LUC7L2: variants seen among roughly 807,000 people sequenced by gnomAD.
LUC7L2 encodes the protein LUC7 like 2, pre-mRNA splicing factor.
A neutral mutation model predicts 52.8 loss-of-function variants in LUC7L2; 25 were observed. That is an observed-to-expected ratio of 0.47 (90% CI 0.34 to 0.66). The LOEUF is 0.66. LUC7L2 is among the 30% of genes least tolerant of loss of function. The probability of loss-of-function intolerance (pLI) is 0.01; values close to 1 mark genes in which losing one functional copy is unlikely to be tolerated. For synonymous variants in LUC7L2, 144 were observed against 160.9 expected (o/e 0.89, Z 0.80); for missense variants, 328 against 497.8 (o/e 0.66, Z 3.25).
chr7:139,360,775 G>A (rs886909813), intron 1 of LUC7L2, among the ~76,000 whole-genome samples: 1 of 152,064 alleles, frequency 6.6e-6, no homozygotes, highest in Non-Finnish European at 1.5e-5. Flanking sequence ...TCCTCTTCCT[G>A]GGTCAGGAGG....
At chr7:139,357,867 AT>A (rs1799653340), upstream of LUC7L2, among the ~76,000 whole-genome samples, 1 of 148,530 alleles carries the variant, frequency 6.7e-6, no homozygotes, top group African/African-American at 2.5e-5. Context: ...CATTTTTTCT[AT>A]TTTTAGTAGA....
At chr7:139,359,572 C>A (rs1351902716), upstream of LUC7L2, 4 of 367,300 alleles carry the variant, frequency 1.1e-5, no homozygotes, top group Non-Finnish European at 1.9e-5. Flanking sequence ...ACTTACTTTC[C>A]GCCCAGGCTA....
At chr7:139,403,926 T>C (rs1279076083) in intron 4 of LUC7L2, among the ~76,000 whole-genome samples, 2 of 152,142 alleles carry the variant, frequency 1.3e-5, no homozygotes, top group Non-Finnish European at 2.9e-5. Flanking sequence ...TTTGCTACCA[T>C]CTCAGTAACC....
intron 1 of LUC7L2, among the ~76,000 whole-genome samples, chr7:139,366,909 T>C (rs1287319312): frequency 6.6e-6 from 1 of 152,230 alleles, no homozygotes; most frequent in Non-Finnish European, 1.5e-5. Context: ...CATTAAAAGT[T>C]TGAGAAACCC....
intron 2 of LUC7L2, among the ~76,000 whole-genome samples, chr7:139,388,108 C>G (rs922657361): frequency 6.6e-6 from 1 of 152,064 alleles, no homozygotes; most frequent in South Asian, 2.1e-4. Flanking sequence ...CCTCTGAACC[C>G]CAGTATAGCA....
intron 1 of LUC7L2, among the ~76,000 whole-genome samples, chr7:139,349,610 C>T (rs1457742637): frequency 9.9e-5 from 9 of 91,332 alleles, no homozygotes; most frequent in Non-Finnish European, 1.6e-4. Context: ...TTAATGTCAA[C>T]TGCTCCCCCC....
intron 3 of LUC7L2, among the ~76,000 whole-genome samples, chr7:139,398,913 A>G (rs1426997959): frequency 1.3e-5 from 2 of 152,196 alleles, no homozygotes; most frequent in Non-Finnish European, 2.9e-5. Context: ...CGTATGATTC[A>G]TATATTCTTT....
At chr7:139,393,460 C>A (rs1424305233) in intron 2 of LUC7L2, among the ~76,000 whole-genome samples, 1 of 151,480 alleles carries the variant, frequency 6.6e-6, no homozygotes, top group African/African-American at 2.4e-5. Flanking sequence ...AATAAATAAT[C>A]ATATATTTTG....
intron 1 of LUC7L2, among the ~76,000 whole-genome samples, chr7:139,370,741 C>A (rs923621302): frequency 2.0e-5 from 3 of 152,226 alleles, no homozygotes; most frequent in African/African-American, 7.2e-5. Context: ...AGGCATGAGC[C>A]ACTGTGCCCA....
chr7:139,369,398 TA>T (rs1800328564), intron 1 of LUC7L2, among the ~76,000 whole-genome samples: 2 of 152,208 alleles, frequency 1.3e-5, no homozygotes, highest in Non-Finnish European at 2.9e-5. Flanking sequence ...AGAAGAGGAA[TA>T]GGCTGATAGA....
At chr7:139,401,542 T>TC (rs1356265371) in intron 3 of LUC7L2, among the ~76,000 whole-genome samples, 2 of 152,140 alleles carry the variant, frequency 1.3e-5, no homozygotes, top group Non-Finnish European at 2.9e-5. Flanking sequence ...AACCTCAGCC[T>TC]CCCAGGTGCA....
At position 139,369,185 on chromosome 7, in the gene LUC7L2, C is replaced by T. The variant is rs557757798; in HGVS notation, c.62-6877C>T. On this transcript the variant is annotated intron_variant, in intron 1 of 9. Transcript: ENST00000354926. The stretch of plus-strand genomic sequence containing the variant: ...CTTCTAATTTTGTATATAGAAAGTT[C>T]TGGATGATAGAAGGCACCGGCTATC... Among the ~76,000 whole-genome samples the T allele has an allele frequency of 6.6e-5, 10 of 152,196 alleles. No homozygotes were observed. In the East Asian group the frequency reaches 1.9e-3, roughly 29 times the overall value.
At chr7:139,380,963 G>C (rs1043606467) in intron 2 of LUC7L2, among the ~76,000 whole-genome samples, 3 of 152,112 alleles carry the variant, frequency 2.0e-5, no homozygotes, top group African/African-American at 7.2e-5. Flanking sequence ...AAGATCTTAG[G>C]ACATGGCAAA....
At chr7:139,387,084 C>T (rs746806902) in intron 2 of LUC7L2, among the ~76,000 whole-genome samples, 1 of 151,924 alleles carries the variant, frequency 6.6e-6, no homozygotes, top group African/African-American at 2.4e-5. Context: ...AGGTGATCTA[C>T]CTGCCTCAGC....
intron 1 of LUC7L2, chr7:139,375,798 C>T (rs1237280099): frequency 2.8e-6 from 1 of 353,712 alleles, no homozygotes; most frequent in South Asian, 6.4e-5. Flanking sequence ...GCTCTAAAAT[C>T]CTATGCTTTT....
At chr7:139,407,427 T>C (rs2131294976) in intron 6 of LUC7L2, 77 bp downstream of exon 6, 1 of 1,460,852 alleles carries the variant, frequency 6.8e-7, no homozygotes, top group South Asian at 1.5e-5. Context: ...TACAATATTC[T>C]TGACTATGAT....
At chr7:139,368,589 T>A (rs899973779) in intron 1 of LUC7L2, among the ~76,000 whole-genome samples, 2 of 151,956 alleles carry the variant, frequency 1.3e-5, no homozygotes, top group African/African-American at 4.8e-5. Flanking sequence ...AATATAAAAA[T>A]TAGCCAGATG....
intron 4 of LUC7L2, among the ~76,000 whole-genome samples, chr7:139,405,127 G>A (rs1322295493): frequency 6.6e-6 from 1 of 152,200 alleles, no homozygotes; most frequent in Non-Finnish European, 1.5e-5. Context: ...TGTTTAAGTG[G>A]GGCTGGGATG....
intron 8 of LUC7L2, among the ~76,000 whole-genome samples, chr7:139,415,458 T>A (rs1301839358): frequency 6.6e-6 from 1 of 152,080 alleles, no homozygotes. Flanking sequence ...GCATTCATAA[T>A]AACTCAAAAT....
Sources: allele counts gnomAD v4.1 joint callset (sites outside exome capture counted in the v4.1 genomes callset), GRCh38; gene constraint gnomAD v4.1.1; transcripts MANE v1.5; gene names NCBI Gene and HGNC (gene_info 2026-07-23, HGNC 2026-07-21).